Variants in TNFAIP8 observed in about 807,000 individuals in gnomAD.
The protein encoded by TNFAIP8 is TNF alpha induced protein 8.
In TNFAIP8, 7 loss-of-function variants were observed where a neutral mutation model predicts 13.3. The ratio of observed to expected loss-of-function variants is 0.52; its 90% CI spans 0.30 to 0.99. TNFAIP8 has a LOEUF of 0.99. TNFAIP8 is among the 50% of genes least tolerant of loss of function. The pLI, the probability that TNFAIP8 is intolerant of heterozygous loss-of-function variation, is 0.07. For synonymous variants in TNFAIP8, 94 were observed against 87.6 expected, an observed-to-expected ratio of 1.07 and a Z score of -0.41; for missense variants, 258 against 236.9, an observed-to-expected ratio of 1.09 and a Z score of -0.58.
intron 1 of TNFAIP8, among the ~76,000 whole-genome samples, chr5:119,314,755 C>T (rs1749833172): frequency 6.6e-6 from 1 of 152,172 alleles, no homozygotes; most frequent in African/African-American, 2.4e-5. Flanking sequence ...CTGCATAAGC[C>T]TCAATTACTT....
At chr5:119,323,270 G>C (rs1750118858) in intron 1 of TNFAIP8, among the ~76,000 whole-genome samples, 1 of 152,072 alleles carries the variant, frequency 6.6e-6, no homozygotes, top group Non-Finnish European at 1.5e-5. Context: ...TTAGAGTTTT[G>C]ATAAAATCTA....
At chr5:119,325,859 A>G (rs1029911484) in intron 1 of TNFAIP8, among the ~76,000 whole-genome samples, 2 of 152,158 alleles carry the variant, frequency 1.3e-5, no homozygotes, top group Non-Finnish European at 2.9e-5. Context: ...CTCGGGCTGT[A>G]GCACTTGCTC....
At chr5:119,341,746 G>A (rs1441368404) in intron 1 of TNFAIP8, among the ~76,000 whole-genome samples, 1 of 152,090 alleles carries the variant, frequency 6.6e-6, no homozygotes, top group Non-Finnish European at 1.5e-5. Flanking sequence ...AATCTGTTTA[G>A]AGAAGTAGAG....
At chr5:119,311,379 A>T (rs1321811813) in intron 1 of TNFAIP8, among the ~76,000 whole-genome samples, 1 of 151,974 alleles carries the variant, frequency 6.6e-6, no homozygotes, top group Non-Finnish European at 1.5e-5. Context: ...AATTTTGAAC[A>T]GTCAAATAAA....
At chr5:119,327,601 G>A (rs1314855413) in intron 1 of TNFAIP8, among the ~76,000 whole-genome samples, 8 of 152,212 alleles carry the variant, frequency 5.3e-5, no homozygotes, top group African/African-American at 1.9e-4. Flanking sequence ...TGGGACCACA[G>A]GTGCCCACTA....
chr5:119,339,975 G>C (rs1750683630), intron 1 of TNFAIP8, among the ~76,000 whole-genome samples: 1 of 152,214 alleles, frequency 6.6e-6, no homozygotes, highest in Non-Finnish European at 1.5e-5. Flanking sequence ...ATCAGTCATA[G>C]AGAGTTTCAT....
At chr5:119,379,418 A>G (rs188958420) in intron 1 of TNFAIP8, among the ~76,000 whole-genome samples, 81 of 152,312 alleles carry the variant, frequency 5.3e-4, no homozygotes, top group African/African-American at 1.8e-3. Flanking sequence ...TATTCTGGCC[A>G]TTGGATTTGG....
At chr5:119,327,748 C>T (rs1356939690) in intron 1 of TNFAIP8, among the ~76,000 whole-genome samples, 1 of 152,044 alleles carries the variant, frequency 6.6e-6, no homozygotes, top group African/African-American at 2.4e-5. Flanking sequence ...TGTGAGCCAC[C>T]GTGCCCGGCC....
Position 119,289,179 on chromosome 5 carries a change from T to G in TNFAIP8, c.1+20272T>G, listed in dbSNP as rs147819636. Reference sequence around the variant, plus strand: ...CATGATCACACCTTACTATACTTATTGTATACAATCAAATCTCCTATAATT... The same window carrying G: ...CATGATCACACCTTACTATACTTATGGTATACAATCAAATCTCCTATAATT... On this transcript the variant is annotated intron_variant, in intron 1 of 1. Coordinates refer to the TNFAIP8 transcript ENST00000274456. 1.3e-4 allele frequency among the ~76,000 whole-genome samples: 20 copies of G among 152,356 alleles called. 1 individual carries two copies. The highest frequency in any genetic ancestry group is 4.8e-4 in the African/African-American group (20 of 41,582).
At chr5:119,373,554 A>T (rs1177370034) in intron 1 of TNFAIP8, among the ~76,000 whole-genome samples, 1 of 152,194 alleles carries the variant, frequency 6.6e-6, no homozygotes, top group Non-Finnish European at 1.5e-5. Flanking sequence ...GTTAACATGC[A>T]TACAAGAAAG....
At chr5:119,374,186 T>G (rs1752192947) in intron 1 of TNFAIP8, among the ~76,000 whole-genome samples, 1 of 151,696 alleles carries the variant, frequency 6.6e-6, no homozygotes, top group African/African-American at 2.4e-5. Context: ...GTGTTTTAGA[T>G]TTTGGATTTT....
intron 1 of TNFAIP8, among the ~76,000 whole-genome samples, chr5:119,322,028 C>T (rs1271007066): frequency 6.6e-6 from 1 of 152,146 alleles, no homozygotes; most frequent in African/African-American, 2.4e-5. Context: ...TTTGCACACA[C>T]CCCTCCCTCT....
intron 1 of TNFAIP8, among the ~76,000 whole-genome samples, chr5:119,368,366 CCTGT>C (rs201085690): frequency 0.035 from 5,099 of 147,632 alleles, 281 homozygotes; most frequent in African/African-American, 0.12. Flanking sequence ...AATTTTCCCT[CCTGT>C]CTGTTAAAAA....
intron 1 of TNFAIP8, among the ~76,000 whole-genome samples, chr5:119,372,062 G>A (rs941407040): frequency 7.9e-5 from 12 of 151,854 alleles, no homozygotes; most frequent in African/African-American, 2.9e-4. Context: ...GCGTGAACCC[G>A]GGAGGCGGAG....
At chr5:119,322,959 C>A (rs997419610) in intron 1 of TNFAIP8, among the ~76,000 whole-genome samples, 1 of 152,156 alleles carries the variant, frequency 6.6e-6, no homozygotes, top group African/African-American at 2.4e-5. Context: ...TTCACTTTTC[C>A]CCTTAGTCAA....
intron 1 of TNFAIP8, among the ~76,000 whole-genome samples, chr5:119,310,295 G>T (rs923497757): frequency 2.0e-5 from 3 of 151,912 alleles, no homozygotes; most frequent in Non-Finnish European, 4.4e-5. Context: ...TGGTAAGGTC[G>T]TCCTGGGAGA....
At chr5:119,370,604 G>A (rs189775592) in intron 1 of TNFAIP8, among the ~76,000 whole-genome samples, 1 of 152,224 alleles carries the variant, frequency 6.6e-6, no homozygotes, top group African/African-American at 2.4e-5. Context: ...GAGCAGAAGG[G>A]TGCAAAACAC....
intron 1 of TNFAIP8, chr5:119,333,125 C>G: frequency 4.0e-6 from 3 of 759,292 alleles, no homozygotes; most frequent in Non-Finnish European, 4.7e-6. Context: ...TTCTAAGTAT[C>G]TGTTTCTATT....
In TNFAIP8 at chr5:119,394,431, A is replaced by C. The variant is rs1753018607; in HGVS notation, c.*1050A>C. The C allele has an allele frequency of 6.6e-6, 1 of 152,160 alleles. No homozygotes were observed. Among genetic ancestry groups the C allele is most frequent in the African/African-American group, 2.4e-5 (1 of 41,406 alleles). 9.4% of individuals were successfully genotyped at this position (152,160 alleles called of 1,614,324 possible). ...TTTACTTTGATAAGTAAACCAAAGA[A>C]TATTTGTATTTCAAGCAGTTTGTGT... On this transcript the variant is annotated 3_prime_UTR_variant, in exon 2 of 2. Coordinates refer to ENST00000504771, the MANE Select transcript of TNFAIP8 (RefSeq NM_014350.4).
Sources: gnomAD v4.1 joint callset for allele counts (sites outside exome capture counted in the v4.1 genomes callset) on GRCh38, gnomAD v4.1.1 for gene constraint, MANE v1.5 for transcripts, NCBI Gene and HGNC (gene_info 2026-07-23, HGNC 2026-07-21) for gene names.